Variants in NHERF2 observed in about 807,000 individuals in gnomAD.
The protein encoded by NHERF2 is Na(+)/H(+) exchange regulatory cofactor NHE-RF2.
chr16:2,032,354 A>T, the NHERF2 span, among the ~76,000 whole-genome samples: 1 of 152,218 alleles, frequency 6.6e-6, no homozygotes, highest in Non-Finnish European at 1.5e-5. This position sits in a 1 kb window ranked among gnomAD's most constrained non-coding sequence, Gnocchi z 4.0. Flanking sequence ...AGCTCCCAGC[A>T]TGGGCAGGAA....
the NHERF2 span, chr16:2,037,095 T>C: frequency 7.1e-7 from 1 of 1,400,780 alleles, no homozygotes; most frequent in African/African-American, 1.4e-5. Context: ...CCTCGAGGTG[T>C]GCTAGTGACA....
the NHERF2 span, chr16:2,038,236 A>G: frequency 1.7e-6 from 1 of 585,162 alleles, no homozygotes. Context: ...AGAGAGAGAG[A>G]GAGACACAGA....
chr16:2,027,083 C>T, the NHERF2 span: 1 of 1,455,978 alleles, frequency 6.9e-7, no homozygotes, highest in Non-Finnish European at 9.0e-7. Context: ...TCCACCTGCA[C>T]GGCGAGAAGG....
At chr16:2,034,930 G>A in the NHERF2 span, among the ~76,000 whole-genome samples, 1 of 152,262 alleles carries the variant, frequency 6.6e-6, no homozygotes, top group African/African-American at 2.4e-5. Flanking sequence ...GTGCCACCAG[G>A]TGTGTCTGGG....
the NHERF2 span, chr16:2,037,681 G>A: frequency 2.4e-4 from 378 of 1,564,960 alleles, no homozygotes; most frequent in African/African-American, 4.5e-3. Context: ...ATGTCAGCCC[G>A]GGCAGTGGGG....
At chr16:2,028,518 G>T in the NHERF2 span, among the ~76,000 whole-genome samples, 6 of 152,220 alleles carry the variant, frequency 3.9e-5, no homozygotes, top group Admixed American at 6.5e-5. Flanking sequence ...GGCAAGAGGG[G>T]CAGTTACTGC....
At chr16:2,030,600 C>T in the NHERF2 span, among the ~76,000 whole-genome samples, 3 of 151,050 alleles carry the variant, frequency 2.0e-5, no homozygotes, top group African/African-American at 7.3e-5. Context: ...ATGGCATTAT[C>T]TCCATGTTCT....
At chr16:2,034,301 C>T in the NHERF2 span, among the ~76,000 whole-genome samples, 1 of 151,896 alleles carries the variant, frequency 6.6e-6, no homozygotes, top group African/African-American at 2.4e-5. Context: ...GCTCCTGTCC[C>T]CACGCCTTCC....
the NHERF2 span, among the ~76,000 whole-genome samples, chr16:2,028,966 G>A: frequency 1.3e-5 from 2 of 152,198 alleles, no homozygotes; most frequent in African/African-American, 2.4e-5. Flanking sequence ...CTGTGTGTGG[G>A]TGCCCGAGCC....
At chr16:2,036,223 G>T in the NHERF2 span, 1 of 1,244,764 alleles carries the variant, frequency 8.0e-7, no homozygotes, top group Non-Finnish European at 1.1e-6. Context: ...TGCCCGTGGG[G>T]GGCACGGTAC....
chr16:2,031,182 C>T, the NHERF2 span, among the ~76,000 whole-genome samples: 6 of 152,190 alleles, frequency 3.9e-5, no homozygotes, highest in African/African-American at 1.2e-4. Context: ...CTGTGGGGAG[C>T]CCAGCCTGGG....
the NHERF2 span, chr16:2,037,147 G>C: frequency 9.6e-7 from 1 of 1,038,466 alleles, no homozygotes; most frequent in Non-Finnish European, 1.4e-6. Flanking sequence ...GCCCCTGTGG[G>C]TCTCATCCTG....
the NHERF2 span, chr16:2,037,552 T>C: frequency 1.2e-6 from 2 of 1,612,024 alleles, no homozygotes; most frequent in Admixed American, 1.7e-5. Flanking sequence ...ATGGTGGCTC[T>C]GCGTGCTCGT....
chr16:2,035,995 C>T, the NHERF2 span: 10 of 319,274 alleles, frequency 3.1e-5, no homozygotes, highest in Admixed American at 4.6e-5. Context: ...CCCAGGAGGC[C>T]AACGGCGACA....
the NHERF2 span, chr16:2,035,529 A>G: frequency 1.0e-6 from 1 of 986,436 alleles, no homozygotes; most frequent in Non-Finnish European, 1.2e-6. Flanking sequence ...TGGAAACCTG[A>G]GCTGCCTCCT....
the NHERF2 span, chr16:2,038,091 C>T: frequency 7.1e-7 from 1 of 1,401,516 alleles, no homozygotes; most frequent in Non-Finnish European, 9.8e-7. Flanking sequence ...GTGGTCCTGC[C>T]ATTGCCCAGA....
At chr16:2,037,163 T>C in the NHERF2 span, among the ~76,000 whole-genome samples, 1 of 152,182 alleles carries the variant, frequency 6.6e-6, no homozygotes, top group African/African-American at 2.4e-5. Context: ...TCCTGGGTCG[T>C]GCCACACACA....
At chr16:2,038,503 C>A in the NHERF2 span, 1 of 376,616 alleles carries the variant, frequency 2.7e-6, no homozygotes, top group South Asian at 1.9e-5. Context: ...CCCGCCCCCT[C>A]CCCTCAGCAG....
chr16:2,036,546 C>G, the NHERF2 span: 4 of 1,544,454 alleles, frequency 2.6e-6, no homozygotes, highest in South Asian at 3.5e-5. Flanking sequence ...TGCCCCGCAC[C>G]TGTCCACACT....
Sources: allele counts gnomAD v4.1 joint callset (sites outside exome capture counted in the v4.1 genomes callset), GRCh38; gene constraint gnomAD v4.1.1; non-coding constraint Gnocchi (gnomAD v3.1); transcripts MANE v1.5; gene names NCBI Gene and HGNC (gene_info 2026-07-23, HGNC 2026-07-21).